Variants in KHDRBS2 observed in about 807,000 individuals in gnomAD.
KHDRBS2 encodes KH domain-containing, RNA-binding, signal transduction-associated protein 2.
A neutral mutation model predicts 44.3 loss-of-function variants in KHDRBS2; 26 were observed. The observed-to-expected ratio is 0.59, with a 90% CI of 0.43 to 0.81. The LOEUF (loss-of-function observed/expected upper bound fraction) is 0.81. KHDRBS2 is among the 40% of genes least tolerant of loss of function. KHDRBS2 has a pLI of 0.00. For missense variants in KHDRBS2, 476 were observed against 433.1 expected, an observed-to-expected ratio of 1.10 and a Z score of -0.88; for synonymous variants, 194 against 151.1, an observed-to-expected ratio of 1.28 and a Z score of -2.08.
At chr6:61,936,323 T>G (rs1287801783) in intron 4 of KHDRBS2, among the ~76,000 whole-genome samples, 1 of 152,082 alleles carries the variant, frequency 6.6e-6, no homozygotes, top group Non-Finnish European at 1.5e-5. Context: ...CTTCAAAATA[T>G]TCCAACAAAA....
intron 3 of KHDRBS2, among the ~76,000 whole-genome samples, chr6:62,021,974 A>G (rs1226570002): frequency 1.3e-5 from 2 of 149,544 alleles, no homozygotes; most frequent in East Asian, 3.9e-4. Context: ...ACATATATAC[A>G]CACACTATAT....
intron 1 of KHDRBS2, among the ~76,000 whole-genome samples, chr6:62,283,356 C>T (rs1842058792): frequency 6.6e-6 from 1 of 152,034 alleles, no homozygotes; most frequent in South Asian, 2.1e-4. Flanking sequence ...CTACATGAAG[C>T]ACTGTCAATT....
intron 2 of KHDRBS2, among the ~76,000 whole-genome samples, chr6:62,161,000 G>A (rs1817505831): frequency 6.6e-6 from 1 of 152,010 alleles, no homozygotes; most frequent in Non-Finnish European, 1.5e-5. Context: ...CAAGACCCTG[G>A]AGGTTACCAT....
intron 6 of KHDRBS2, among the ~76,000 whole-genome samples, chr6:61,764,014 T>C (rs1562118100): frequency 6.6e-6 from 1 of 152,072 alleles, no homozygotes; most frequent in South Asian, 2.1e-4. Flanking sequence ...CAGTGTGTGT[T>C]CTTCCCCTCC....
chr6:61,954,380 C>CATGCATACATATATACGTATGTATGT (rs1765522339), intron 4 of KHDRBS2, among the ~76,000 whole-genome samples: 1 of 36,268 alleles, frequency 2.8e-5, no homozygotes, highest in Non-Finnish European at 7.3e-5. Flanking sequence ...CGTATGTATG[C>CATGCATACATATATACGTATGTATGT]ATGCATACAT....
At chr6:61,836,345 C>T (rs1355670435) in intron 6 of KHDRBS2, among the ~76,000 whole-genome samples, 2 of 151,954 alleles carry the variant, frequency 1.3e-5, no homozygotes, top group Non-Finnish European at 2.9e-5. Context: ...AGCACAGACT[C>T]CATGTAAGAC....
At chr6:62,052,846 C>T (rs1010708213) in intron 2 of KHDRBS2, among the ~76,000 whole-genome samples, 1 of 151,968 alleles carries the variant, frequency 6.6e-6, no homozygotes, top group Admixed American at 6.6e-5. Context: ...TGACCTCCTG[C>T]TATGCGGCCT....
intron 4 of KHDRBS2, among the ~76,000 whole-genome samples, chr6:61,909,751 T>C (rs1365164230): frequency 1.3e-5 from 2 of 152,254 alleles, no homozygotes; most frequent in African/African-American, 2.4e-5. Flanking sequence ...CCATCTGTTA[T>C]GATGGCATTT....
At chr6:62,260,864 A>G (rs1838223082) in intron 1 of KHDRBS2, among the ~76,000 whole-genome samples, 1 of 151,916 alleles carries the variant, frequency 6.6e-6, no homozygotes, top group South Asian at 2.1e-4. Context: ...ACCGGGCAAA[A>G]TTAAGACATA....
At chr6:62,155,405 G>A (rs1327873693) in intron 2 of KHDRBS2, among the ~76,000 whole-genome samples, 2 of 152,154 alleles carry the variant, frequency 1.3e-5, no homozygotes, top group Non-Finnish European at 2.9e-5. Context: ...TAAATCTGGA[G>A]GTCAAGAAAA....
chr6:62,174,157 G>A (rs959056260), intron 2 of KHDRBS2, among the ~76,000 whole-genome samples: 1 of 151,586 alleles, frequency 6.6e-6, no homozygotes, highest in African/African-American at 2.4e-5. Flanking sequence ...TACCTATAAA[G>A]CCCCATAGTC....
intron 3 of KHDRBS2, among the ~76,000 whole-genome samples, chr6:62,012,962 G>A (rs1388188631): frequency 6.6e-6 from 1 of 152,162 alleles, no homozygotes; most frequent in Non-Finnish European, 1.5e-5. Context: ...CAGCAACTAG[G>A]AAATGAACAT....
chr6:62,084,817 T>C lies in KHDRBS2; in HGVS notation c.220-36823A>G, dbSNP rs77521189. Among the ~76,000 whole-genome samples, 1,415 of 152,288 alleles carry C rather than the reference T, an allele frequency of 9.3e-3. 6 individuals are homozygous for C. Among genetic ancestry groups the C allele is most frequent in the South Asian group, 0.019 (93 of 4,826 alleles). On this transcript the variant is annotated intron_variant, in intron 2 of 8. Transcript: ENST00000281156. The stretch of plus-strand genomic sequence containing the variant: ...AAAAGTACCCCCAAGAAATAGTTCA[T>C]TAAATGTATTTCACCCATTACAGAA...
chr6:62,238,699 C>T (rs1223674347), intron 1 of KHDRBS2, among the ~76,000 whole-genome samples: 1 of 151,680 alleles, frequency 6.6e-6, no homozygotes. Context: ...CACACACACA[C>T]ACACACACAC....
chr6:61,774,281 G>A (rs934798224), intron 6 of KHDRBS2, among the ~76,000 whole-genome samples: 1 of 152,172 alleles, frequency 6.6e-6, no homozygotes, highest in African/African-American at 2.4e-5. Flanking sequence ...CATGAGCATG[G>A]AATGTTCTTC....
intron 5 of KHDRBS2, among the ~76,000 whole-genome samples, chr6:61,896,013 A>G (rs1802877677): frequency 1.3e-5 from 2 of 152,226 alleles, no homozygotes; most frequent in Admixed American, 1.3e-4. Flanking sequence ...AGTCTAATGT[A>G]TAAAGAATAC....
chr6:62,073,325 C>T (rs1417914880), intron 2 of KHDRBS2, among the ~76,000 whole-genome samples: 1 of 151,470 alleles, frequency 6.6e-6, no homozygotes, highest in Admixed American at 6.6e-5. Context: ...ATCTCATCTA[C>T]ATTATTTAAT....
chr6:62,081,811 T>A (rs1049552891), intron 2 of KHDRBS2, among the ~76,000 whole-genome samples: 26 of 152,210 alleles, frequency 1.7e-4, no homozygotes, highest in Admixed American at 6.6e-4. Flanking sequence ...ATTTTTTAGA[T>A]GTTCATACAT....
chr6:62,254,296 A>T (rs1837020538), intron 1 of KHDRBS2, among the ~76,000 whole-genome samples: 1 of 152,084 alleles, frequency 6.6e-6, no homozygotes, highest in African/African-American at 2.4e-5. Flanking sequence ...CCACTATTTC[A>T]TTCAACAAAT....
Sources: allele counts gnomAD v4.1 joint callset (sites outside exome capture counted in the v4.1 genomes callset), GRCh38; gene constraint gnomAD v4.1.1; transcripts MANE v1.5; gene names NCBI Gene and HGNC (gene_info 2026-07-23, HGNC 2026-07-21).